DGKI: variants seen among roughly 807,000 people sequenced by gnomAD.
DGKI encodes the protein DAG kinase iota.
DGKI carries 55 observed loss-of-function variants against 147.5 expected under a neutral mutation model. The observed-to-expected ratio is 0.37, with a 90% CI of 0.30 to 0.47. The LOEUF is 0.47. Among genes scored for constraint, DGKI ranks in the 20% least tolerant of loss-of-function variants. The probability of loss-of-function intolerance (pLI) is 1.00; values close to 1 mark genes in which losing one functional copy is unlikely to be tolerated. For synonymous variants in DGKI, 469 were observed against 477.1 expected (o/e 0.98, Z 0.22); for missense variants, 1,007 against 1,323.8 (o/e 0.76, Z 3.71).
intron 1 of DGKI, among the ~76,000 whole-genome samples, chr7:137,744,842 TCC>T (rs1478249952): frequency 6.6e-6 from 1 of 152,144 alleles, no homozygotes; most frequent in Admixed American, 6.5e-5. Flanking sequence ...AAATCCAACA[TCC>T]GTTTATGATA....
At chr7:137,472,366 ATAAT>A (rs1814994529) in intron 23 of DGKI, among the ~76,000 whole-genome samples, 2 of 4,854 alleles carry the variant, frequency 4.1e-4, no homozygotes, top group Non-Finnish European at 2.1e-3. Flanking sequence ...ATATATACAT[ATAAT>A]TATTATATGT....
intron 1 of DGKI, among the ~76,000 whole-genome samples, chr7:137,825,613 C>G (rs1267620714): frequency 3.3e-5 from 5 of 152,090 alleles, no homozygotes; most frequent in Middle Eastern, 3.4e-3. Flanking sequence ...CCCCAACACA[C>G]AGACACACAC....
chr7:137,495,046 C>T (rs541421091), intron 21 of DGKI, among the ~76,000 whole-genome samples: 35 of 152,022 alleles, frequency 2.3e-4, no homozygotes, highest in African/African-American at 8.2e-4. Context: ...TCAAAAAAGA[C>T]AAAGAACAAC....
intron 1 of DGKI, among the ~76,000 whole-genome samples, chr7:137,706,510 A>C: frequency 6.8e-6 from 1 of 146,420 alleles, no homozygotes; most frequent in Admixed American, 6.7e-5. Flanking sequence ...ATTTTATTTT[A>C]TTTCATTTTA....
Position 137,846,696 on chromosome 7 carries a change from C to A in DGKI, c.167G>T (p.Ser56Ile). 2.8e-6 allele frequency: 3 copies of A among 1,054,968 alleles called. No individual in the cohort carries two copies. Among genetic ancestry groups the A allele is most frequent in the Non-Finnish European group, 3.4e-6 (3 of 872,930 alleles). 65.4% of individuals were successfully genotyped at this position (1,054,968 alleles called of 1,614,324 possible). ...CCCTTTCTCCTCTCCCGCCGAGGAG[C>A]TGGGGTTCATGGCGCCCGCTCCGGC... ...AAAGAGAMNP[S>I]SSAGEEKGAT... The change falls in exon 1 of 33, where the codon AGC becomes ATC. Residue 56 changes from serine (S) to isoleucine (I), a missense_variant. Transcript: ENST00000614521. The surrounding 1 kb of genome is among the most constrained non-coding windows in gnomAD (Gnocchi z 4.0).
intron 27 of DGKI, among the ~76,000 whole-genome samples, chr7:137,461,894 A>G (rs766120364): frequency 7.2e-5 from 11 of 152,218 alleles, no homozygotes; most frequent in Non-Finnish European, 1.3e-4. Flanking sequence ...GCAAACAGAC[A>G]GAAAGAGTTC....
At chr7:137,810,131 C>T (rs544161219) in intron 1 of DGKI, among the ~76,000 whole-genome samples, 37 of 152,286 alleles carry the variant, frequency 2.4e-4, no homozygotes, top group Admixed American at 1.9e-3. Context: ...CCAAAGCTAC[C>T]TCTCATCAGG....
At chr7:137,684,921 A>G (rs2116427999) in intron 2 of DGKI, among the ~76,000 whole-genome samples, 1 of 152,268 alleles carries the variant, frequency 6.6e-6, no homozygotes, top group South Asian at 2.1e-4. Context: ...GAACATGCAC[A>G]CGGACGAGCA....
chr7:137,710,751 A>T (rs1794185265), intron 1 of DGKI, among the ~76,000 whole-genome samples: 1 of 152,080 alleles, frequency 6.6e-6, no homozygotes, highest in Non-Finnish European at 1.5e-5. Context: ...CACACACAAA[A>T]ATCTAGAAAT....
chr7:137,702,159 CAGAT>C (rs1163154027), intron 1 of DGKI, among the ~76,000 whole-genome samples: 1 of 152,084 alleles, frequency 6.6e-6, no homozygotes, highest in Non-Finnish European at 1.5e-5. Flanking sequence ...AGAAGGATCA[CAGAT>C]AGAAACCTAA....
chr7:137,490,097 T>C (rs763911174), intron 21 of DGKI, among the ~76,000 whole-genome samples: 3 of 152,170 alleles, frequency 2.0e-5, no homozygotes, highest in Non-Finnish European at 4.4e-5. Flanking sequence ...TAGCTGTTAA[T>C]TGCGAGGAGA....
rs537670511 is a variant in DGKI at position 137,418,798 on chromosome 7, G to A, written c.2762-6591C>T. 2.6e-3 allele frequency among the ~76,000 whole-genome samples: 402 copies of A among 152,266 alleles called. 4 individuals are homozygous for A. The highest frequency in any genetic ancestry group is 3.8e-3 in the Non-Finnish European group (257 of 68,014). On this transcript the variant is annotated intron_variant, in intron 28 of 32. Transcript: ENST00000614521. ...AAAGAATGGCTTGAAAAGACGTAGGGAAAAACATCAGTTGATTCACTGGGA... is the reference window on the plus strand; with the variant it reads ...AAAGAATGGCTTGAAAAGACGTAGGAAAAAACATCAGTTGATTCACTGGGA...
intron 8 of DGKI, among the ~76,000 whole-genome samples, chr7:137,618,151 A>ATATATATATTTTTTTT: frequency 4.8e-4 from 5 of 10,464 alleles, no homozygotes; most frequent in African/African-American, 6.2e-4. Flanking sequence ...ATATATATAT[A>ATATATATATTTTTTTT]TTTTTTTTTT....
At chr7:137,789,987 A>G (rs1796800204) in intron 1 of DGKI, among the ~76,000 whole-genome samples, 1 of 152,188 alleles carries the variant, frequency 6.6e-6, no homozygotes, top group Non-Finnish European at 1.5e-5. Flanking sequence ...AGGATTGCAC[A>G]CTTCTTCAGA....
chr7:137,577,135 A>C, intron 17 of DGKI, 87 bp downstream of exon 17: 4 of 891,730 alleles, frequency 4.5e-6, no homozygotes, highest in Non-Finnish European at 7.2e-6. Context: ...CAGTCCAGTG[A>C]TTCAATATAT....
chr7:137,618,518 T>C (rs950871809), intron 8 of DGKI, among the ~76,000 whole-genome samples: 1 of 152,016 alleles, frequency 6.6e-6, no homozygotes, highest in African/African-American at 2.4e-5. Context: ...TCACGTATTT[T>C]ATCGCAATGC....
intron 27 of DGKI, among the ~76,000 whole-genome samples, chr7:137,457,315 G>T (rs148657607): frequency 3.1e-4 from 47 of 152,098 alleles, no homozygotes; most frequent in Admixed American, 2.2e-3. Flanking sequence ...ATTTTCTCCC[G>T]CTTATCTGAT....
At chr7:137,624,384 G>T (rs1820859766) in intron 6 of DGKI, among the ~76,000 whole-genome samples, 1 of 152,132 alleles carries the variant, frequency 6.6e-6, no homozygotes, top group Admixed American at 6.5e-5. Flanking sequence ...CTTTTGTAAG[G>T]TGATCAAAAG....
At chr7:137,768,717 T>C (rs938657527) in intron 1 of DGKI, among the ~76,000 whole-genome samples, 2 of 152,154 alleles carry the variant, frequency 1.3e-5, no homozygotes, top group Non-Finnish European at 2.9e-5. Context: ...TGTTTCCCCA[T>C]ATCCTTGCCT....
Sources: allele counts gnomAD v4.1 joint callset (sites outside exome capture counted in the v4.1 genomes callset), GRCh38; gene constraint gnomAD v4.1.1; non-coding constraint Gnocchi (gnomAD v3.1); transcripts MANE v1.5; gene names NCBI Gene and HGNC (gene_info 2026-07-23, HGNC 2026-07-21).